Variants in DCLRE1C observed in about 807,000 individuals in gnomAD.
The protein encoded by DCLRE1C is DNA cross-link repair 1C.
In DCLRE1C, 47 loss-of-function variants were observed where a neutral mutation model predicts 61.4. The observed-to-expected ratio is 0.77, with a 90% CI of 0.61 to 0.98. DCLRE1C has a LOEUF of 0.98. DCLRE1C is among the 50% of genes least tolerant of loss of function. The probability of loss-of-function intolerance (pLI) is 0.00; values close to 1 mark genes in which losing one functional copy is unlikely to be tolerated. For synonymous variants in DCLRE1C, 337 were observed against 287.6 expected (o/e 1.17, Z -1.74); for missense variants, 858 against 816.0 (o/e 1.05, Z -0.63).
chr10:14,928,661 G>A (rs41298874), intron 9 of DCLRE1C, among the ~76,000 whole-genome samples: 24,570 of 152,142 alleles, frequency 0.16, 2,044 homozygotes, highest in Middle Eastern at 0.2. Context: ...TTGGGGTGAC[G>A]TACCATGGAG....
At chr10:14,952,025 T>C (rs1755455237) in intron 1 of DCLRE1C, among the ~76,000 whole-genome samples, 1 of 152,184 alleles carries the variant, frequency 6.6e-6, no homozygotes, top group East Asian at 1.9e-4. Context: ...GATCCACATG[T>C]GGTCAGAGAA....
intron 13 of DCLRE1C, among the ~76,000 whole-genome samples, chr10:14,910,588 C>A (rs150439022): frequency 6.6e-6 from 1 of 152,294 alleles, no homozygotes; most frequent in African/African-American, 2.4e-5. Flanking sequence ...GCCACTTTGC[C>A]TAGCCCAAAA....
rs750706340 is a variant in DCLRE1C at position 14,934,336 on chromosome 10, AAAAAAAAG to A, written c.678+36_678+43del. 7 of 1,597,414 alleles carry A rather than the reference AAAAAAAAG, an allele frequency of 4.4e-6. No individual in the cohort carries two copies. In the African/African-American group the frequency reaches 5.5e-5, roughly 12 times the overall value. On this transcript the variant is annotated intron_variant, in intron 8 of 13. Transcript: ENST00000378278. ...TAGCAAGACTCCCTCTCAAAAAAAA[AAAAAAAAG>A]AAAAAAGAAAAGAAAAGAATGAACA...
downstream of DCLRE1C, among the ~76,000 whole-genome samples, chr10:14,900,837 G>GA (rs1049786689): frequency 3.4e-5 from 5 of 148,482 alleles, no homozygotes; most frequent in East Asian, 3.9e-4. Context: ...AATTCTCCAG[G>GA]AAAAAAAAAA....
At chr10:14,912,640 A>AAAGAT (rs1460404327) in intron 13 of DCLRE1C, among the ~76,000 whole-genome samples, 1 of 152,224 alleles carries the variant, frequency 6.6e-6, no homozygotes, top group Non-Finnish European at 1.5e-5. Context: ...TGTACCTTGA[A>AAAGAT]AAGATAATGC....
At chr10:14,944,984 A>G (rs1368716285) in intron 3 of DCLRE1C, 121 bp downstream of exon 3, 6 of 724,948 alleles carry the variant, frequency 8.3e-6, no homozygotes, top group Admixed American at 4.8e-5. Flanking sequence ...CAGAGACTCA[A>G]TATTCTAATT....
chr10:14,932,795 C>T, intron 9 of DCLRE1C, 59 bp downstream of exon 9: 1 of 1,592,458 alleles, frequency 6.3e-7, no homozygotes, highest in East Asian at 2.2e-5. Flanking sequence ...GAAGCCCTGA[C>T]CTTTCTTCTT....
intron 1 of DCLRE1C, among the ~76,000 whole-genome samples, chr10:14,951,792 C>A (rs539305201): frequency 2.0e-5 from 3 of 152,152 alleles, no homozygotes; most frequent in Non-Finnish European, 4.4e-5. Flanking sequence ...CACGGTAGGA[C>A]CCCACTTAAA....
Position 14,908,968 on chromosome 10 carries a change from A to G in DCLRE1C, c.1519T>C (p.Phe507Leu). The change falls in exon 14 of 14, where the codon TTC becomes CTC. Residue 507 changes from phenylalanine (F) to leucine (L), a missense_variant. This residue lies in a region of DCLRE1C where 843 missense variants were observed against 783.5 expected (regional missense o/e 1.08). Coordinates refer to ENST00000378278, the MANE Select transcript of DCLRE1C (RefSeq NM_001033855.3). ...DEITDESLEN[F>L]PSSTVAGGSQ... is the part of the protein sequence containing the mutation. ...CCCCCTGCCACTGTGGAGGAAGGGA[A>G]GTTTTCCAAACTCTCATCTGTGATT... 2 of 1,614,152 alleles carry G rather than the reference A, an allele frequency of 1.2e-6. No individual in the cohort carries two copies. The highest frequency in any genetic ancestry group is 2.7e-5 in the African/African-American group (2 of 75,050).
rs1481498736 is a variant in DCLRE1C, at chr10:14,908,399, T to G, written c.*9A>C. 6.8e-6 allele frequency: 11 copies of G among 1,609,864 alleles called. No homozygotes were observed. The highest frequency in any genetic ancestry group is 9.3e-6 in the Non-Finnish European group (11 of 1,176,570). ...TAGTGGTTGCTCTAGGTTGAAACGC[T>G]TTGAATTCTTAGGTATCTAAGAGTG... is the stretch of plus-strand genomic sequence containing the variant. On this transcript the variant is annotated 3_prime_UTR_variant, in exon 14 of 14. Transcript: ENST00000378278.
intron 11 of DCLRE1C, among the ~76,000 whole-genome samples, chr10:14,924,615 G>A (rs533003464): frequency 3.9e-4 from 59 of 152,220 alleles, no homozygotes; most frequent in South Asian, 1.9e-3. Flanking sequence ...TTGGGAGGCC[G>A]AGCCGGGTGG....
Position 14,934,261 on chromosome 10 carries a change from G to C in DCLRE1C, c.678+119C>G, listed in dbSNP as rs1470214831. ...GAGAATTGCTTGAACCCGGGAGGTGGAGGCTGCAGTGAGCCGAGGTCGCGT... is the reference window on the plus strand; with the variant it reads ...GAGAATTGCTTGAACCCGGGAGGTGCAGGCTGCAGTGAGCCGAGGTCGCGT... On this transcript the variant is annotated intron_variant, in intron 8 of 13. Coordinates refer to ENST00000378278, the MANE Select transcript of DCLRE1C (RefSeq NM_001033855.3). The C allele has an allele frequency of 2.8e-6, 4 of 1,418,222 alleles. No individual in the cohort carries two copies. In the Admixed American group the frequency reaches 6.6e-5, roughly 24 times the overall value. 87.9% of individuals were successfully genotyped at this position (1,418,222 alleles called of 1,614,324 possible).
At chr10:14,933,234 C>G (rs145801902) in intron 8 of DCLRE1C, among the ~76,000 whole-genome samples, 2 of 152,162 alleles carry the variant, frequency 1.3e-5, no homozygotes, top group Non-Finnish European at 2.9e-5. Flanking sequence ...GTCCTTCAGT[C>G]CTTCAAGAGA....
In DCLRE1C at chr10:14,920,166, C is replaced by G. The variant is rs1189450989; in HGVS notation, c.1062-334G>C. 2.0e-5 allele frequency among the ~76,000 whole-genome samples: 3 copies of G among 152,094 alleles called. 1 individual carries two copies. The highest frequency in any genetic ancestry group is 4.2e-4 in the South Asian group (2 of 4,818). On this transcript the variant is annotated intron_variant, in intron 12 of 13. Transcript: ENST00000378278. ...CTTGGAATGCAAAAAAAGCAGGTCC[C>G]TATCCTGAAAACCTATGAATACAGT...
At chr10:14,943,175 G>C (rs1314023319) in intron 3 of DCLRE1C, among the ~76,000 whole-genome samples, 2 of 152,012 alleles carry the variant, frequency 1.3e-5, no homozygotes, top group Non-Finnish European at 2.9e-5. Flanking sequence ...GGGACAAATT[G>C]CTCTGCCAAC....
At position 14,919,751 on chromosome 10, in the gene DCLRE1C, A is replaced by G. The variant is rs1392920698; in HGVS notation, c.1143T>C (p.Val381=). 6.2e-7 allele frequency: 1 copy of G among 1,613,628 alleles called. No individual in the cohort carries two copies. The highest frequency in any genetic ancestry group is 2.2e-5 in the East Asian group (1 of 44,850). Residue 381 remains valine (V), a synonymous_variant, in exon 13 of 14, where the codon GTT becomes GTC. Transcript: ENST00000378278. The stretch of plus-strand genomic sequence containing the variant: ...CATTTTTCTTACCTGAGTCTCGGTG[A>G]ACTGTTCTAGCTCTCTTCAGTTTTC... ...PLGKLKRART[V]HRDSEEEDDY...
intron 12 of DCLRE1C, among the ~76,000 whole-genome samples, chr10:14,922,456 T>A (rs1837277902): frequency 2.7e-5 from 4 of 147,016 alleles, no homozygotes; most frequent in Admixed American, 2.0e-4. Flanking sequence ...AAAAAAAAAA[T>A]CATTCATGAA....
At chr10:14,899,245 A>G (rs921682801) in exon 14 of DCLRE1C, 2 of 702,172 alleles carry the variant, frequency 2.8e-6, no homozygotes, top group African/African-American at 3.5e-5. Flanking sequence ...GCTTGATCCC[A>G]GGAGTTAAAG....
intron 3 of DCLRE1C, among the ~76,000 whole-genome samples, chr10:14,940,286 TTTTA>T (rs1400726526): frequency 3.6e-5 from 3 of 82,446 alleles, no homozygotes; most frequent in Admixed American, 1.5e-4. Flanking sequence ...TACACGGTTC[TTTTA>T]TTTTTTTTTT....
Sources: allele counts gnomAD v4.1 joint callset (sites outside exome capture counted in the v4.1 genomes callset), GRCh38; gene constraint gnomAD v4.1.1; regional missense constraint gnomAD v4.1.1; transcripts MANE v1.5; gene names NCBI Gene and HGNC (gene_info 2026-07-23, HGNC 2026-07-21).